Variants in CCDC102B observed in about 807,000 individuals in gnomAD.
CCDC102B encodes the protein coiled-coil domain-containing protein 102B.
A neutral mutation model predicts 57.4 loss-of-function variants in CCDC102B; 75 were observed. That is an observed-to-expected ratio of 1.31 (90% CI 1.08 to 1.58). CCDC102B has a LOEUF of 1.58. Among genes scored for constraint, CCDC102B ranks in the 40% most tolerant of loss-of-function variants. CCDC102B has a pLI of 0.00. For synonymous variants in CCDC102B, 206 were observed against 201.9 expected, an observed-to-expected ratio of 1.02 and a Z score of -0.17; for missense variants, 636 against 582.6, an observed-to-expected ratio of 1.09 and a Z score of -0.94.
At chr18:68,791,902 T>C (rs1052163501) in intron 2 of CCDC102B, among the ~76,000 whole-genome samples, 1 of 152,134 alleles carries the variant, frequency 6.6e-6, no homozygotes, top group Non-Finnish European at 1.5e-5. Flanking sequence ...TCTCAACTGA[T>C]AGAGTTTTTG....
In CCDC102B at chr18:68,738,993, C is replaced by CTTATTTTTT. The variant is rs1555695902; in HGVS notation, c.-67+22401_-67+22402insATTTTTTTT. 4.1e-5 allele frequency among the ~76,000 whole-genome samples: 6 copies of CTTATTTTTT among 145,030 alleles called. No individual in the cohort carries two copies. In the East Asian group the frequency reaches 6.2e-4, roughly 15 times the overall value. On this transcript the variant is annotated intron_variant, in intron 2 of 3. Coordinates refer to the CCDC102B transcript ENST00000578970. Reference sequence around the variant, plus strand: ...GGCCATTGGACTGTAGATGAGCAGCCTTTTGTTTTTTTTTTTTTTAGACCA... The same window carrying CTTATTTTTT: ...GGCCATTGGACTGTAGATGAGCAGCCTTATTTTTTTTTTGTTTTTTTTTTTTTTAGACCA...
intron 7 of CCDC102B, among the ~76,000 whole-genome samples, chr18:69,026,936 C>T (rs939477983): frequency 6.6e-6 from 1 of 152,122 alleles, no homozygotes. Context: ...GGAAAAGTGG[C>T]CTGGGAGGAT....
chr18:68,761,129 T>G (rs2034241734), intron 2 of CCDC102B, among the ~76,000 whole-genome samples: 1 of 152,238 alleles, frequency 6.6e-6, no homozygotes, highest in Non-Finnish European at 1.5e-5. Context: ...AGCACGAAGC[T>G]CATCAATTTT....
chr18:68,839,710 A>T (rs1210325759), intron 3 of CCDC102B, among the ~76,000 whole-genome samples: 1 of 152,130 alleles, frequency 6.6e-6, no homozygotes, highest in African/African-American at 2.4e-5. Flanking sequence ...TCTATGCCTC[A>T]GTTGGGACAC....
intron 2 of CCDC102B, among the ~76,000 whole-genome samples, chr18:68,725,997 C>T (rs2032576482): frequency 6.6e-6 from 1 of 152,114 alleles, no homozygotes; most frequent in Non-Finnish European, 1.5e-5. Context: ...CAGTTAGGTA[C>T]AGGAACGTTG....
intron 6 of CCDC102B, among the ~76,000 whole-genome samples, chr18:68,931,349 C>T (rs902770119): frequency 5.3e-5 from 8 of 151,778 alleles, no homozygotes; most frequent in African/African-American, 1.2e-4. Flanking sequence ...ACTCAAAAGA[C>T]GTAATGGTAG....
chr18:68,782,411 C>T (rs974330828), intron 2 of CCDC102B, among the ~76,000 whole-genome samples: 2 of 152,116 alleles, frequency 1.3e-5, no homozygotes, highest in African/African-American at 4.8e-5. Flanking sequence ...TTCCTCTTCT[C>T]TCTCAAAGGT....
At chr18:69,022,328 G>A (rs2051867619) in intron 7 of CCDC102B, among the ~76,000 whole-genome samples, 1 of 140,968 alleles carries the variant, frequency 7.1e-6, no homozygotes, top group South Asian at 2.3e-4. Context: ...ATATATATAT[G>A]TGTGTATGTG....
At chr18:68,927,278 T>G (rs528683029) in intron 6 of CCDC102B, among the ~76,000 whole-genome samples, 1 of 152,130 alleles carries the variant, frequency 6.6e-6, no homozygotes, top group South Asian at 2.1e-4. Context: ...ATCATGCATA[T>G]AACACATTCA....
intron 1 of CCDC102B, among the ~76,000 whole-genome samples, chr18:68,822,868 T>TGGAGAGAG (rs3051945): frequency 0.43 from 65,323 of 151,674 alleles, 15,326 homozygotes; most frequent in East Asian, 0.86. Context: ...GAATAGGGTC[T>TGGAGAGAG]GGAGCCTAAG....
At chr18:68,838,049 CTT>C (rs907400794) in intron 2 of CCDC102B, among the ~76,000 whole-genome samples, 7 of 152,102 alleles carry the variant, frequency 4.6e-5, no homozygotes, top group Admixed American at 3.9e-4. Context: ...TTGAAATTGT[CTT>C]TCATTTCAAA....
At chr18:68,810,700 T>A (rs1260544619) in intron 1 of CCDC102B, among the ~76,000 whole-genome samples, 1 of 146,870 alleles carries the variant, frequency 6.8e-6, no homozygotes, top group African/African-American at 2.5e-5. Context: ...TTTTTTTTTT[T>A]TTTTTTTATG....
At chr18:68,982,844 G>A (rs893445791) in intron 6 of CCDC102B, among the ~76,000 whole-genome samples, 2 of 151,754 alleles carry the variant, frequency 1.3e-5, no homozygotes, top group East Asian at 1.9e-4. Context: ...GACTAAGAAT[G>A]TAGTAAAGTA....
At chr18:68,832,079 G>A (rs1271668476) in intron 1 of CCDC102B, among the ~76,000 whole-genome samples, 1 of 150,642 alleles carries the variant, frequency 6.6e-6, no homozygotes, top group Non-Finnish European at 1.5e-5. Context: ...TTGTTATTTT[G>A]TGTGCATTAC....
At chr18:68,807,709 A>G (rs1347049136) in intron 1 of CCDC102B, among the ~76,000 whole-genome samples, 2 of 152,174 alleles carry the variant, frequency 1.3e-5, no homozygotes, top group Admixed American at 1.3e-4. Context: ...TGTCTTTACT[A>G]AGACAAACAA....
At position 69,054,175 on chromosome 18, in the gene CCDC102B, T is replaced by G; in HGVS notation, c.*38T>G. Reference sequence around the variant, plus strand: ...ATATGCTGAATTAAAGATTAGGGCCTTAAAGACATTTCCATATCCTTTTCT... The same window carrying G: ...ATATGCTGAATTAAAGATTAGGGCCGTAAAGACATTTCCATATCCTTTTCT... On this transcript the variant is annotated 3_prime_UTR_variant, in exon 8 of 8. Transcript: ENST00000360242. 1 of 1,549,140 alleles carries G rather than the reference T, an allele frequency of 6.5e-7. No individual in the cohort carries two copies. The highest frequency in any genetic ancestry group is 8.7e-7 in the Non-Finnish European group (1 of 1,155,814).
intron 7 of CCDC102B, among the ~76,000 whole-genome samples, chr18:69,020,827 A>G (rs1269023640): frequency 2.0e-5 from 3 of 152,336 alleles, no homozygotes; most frequent in East Asian, 3.9e-4. Flanking sequence ...GGTTCTTATC[A>G]TGGTTTATAT....
intron 2 of CCDC102B, chr18:68,754,586 C>G (rs140270902): frequency 6.6e-6 from 1 of 151,904 alleles, no homozygotes; most frequent in African/African-American, 2.4e-5. Context: ...GTGATTCCAC[C>G]GCTGTACTCC....
intron 2 of CCDC102B, among the ~76,000 whole-genome samples, chr18:68,735,120 C>T (rs1358728790): frequency 1.3e-5 from 2 of 152,134 alleles, no homozygotes; most frequent in South Asian, 2.1e-4. Context: ...GGTGCAGTCT[C>T]GGCTCACTGC....
Sources: allele counts gnomAD v4.1 joint callset (sites outside exome capture counted in the v4.1 genomes callset), GRCh38; gene constraint gnomAD v4.1.1; transcripts MANE v1.5; gene names NCBI Gene and HGNC (gene_info 2026-07-23, HGNC 2026-07-21).